The following PFAS variants were observed in gnomAD, a reference collection of about 807,000 sequenced individuals.
PFAS encodes the protein phosphoribosylformylglycinamidine synthase, also known as FGAM synthase.
Under a neutral mutation model 140.6 loss-of-function variants are expected in PFAS, and 97 were observed. That is an observed-to-expected ratio of 0.69 (90% confidence interval 0.59 to 0.82). The LOEUF is 0.82. Among genes scored for constraint, PFAS ranks in the 40% least tolerant of loss-of-function variants. The pLI is 0.00. For synonymous variants in PFAS, 679 were observed against 718.8 expected, an observed-to-expected ratio of 0.94 and a Z score of 0.88; for missense variants, 1,656 against 1,780.2, an observed-to-expected ratio of 0.93 and a Z score of 1.26.
chr17:8,258,489 A>G (rs1989462986), intron 11 of PFAS, among the ~76,000 whole-genome samples: 1 of 152,166 alleles, frequency 6.6e-6, no homozygotes. Context: ...TACACTTGGG[A>G]GCCATGATGA....
Position 8,255,919 on chromosome 17 carries a change from A to G in PFAS, c.680+9A>G, listed in dbSNP as rs752466255. The stretch of plus-strand genomic sequence containing the variant: ...TTGGCGCAGTCCAATAGGTGAGGAG[A>G]AATGGGGTTGTTCCCATACCTGAGC... On this transcript the variant is annotated intron_variant, in intron 6 of 27. Transcript: ENST00000314666. 3.1e-6 allele frequency: 5 copies of G among 1,592,008 alleles called. No individual in the cohort carries two copies. The highest frequency in any genetic ancestry group is 3.4e-6 in the Non-Finnish European group (4 of 1,160,108).
chr17:8,253,645 TTC>T (rs1351170088), intron 1 of PFAS, among the ~76,000 whole-genome samples: 1 of 152,044 alleles, frequency 6.6e-6, no homozygotes, highest in East Asian at 1.9e-4. Context: ...GTTCAAGCAG[TTC>T]TCCTGCCTCA....
At chr17:8,248,910 T>C (rs1396669549), upstream of PFAS, among the ~76,000 whole-genome samples, 2 of 152,132 alleles carry the variant, frequency 1.3e-5, no homozygotes, top group East Asian at 1.9e-4. Context: ...GGCCTTCAGA[T>C]GGATGGGGTA....
rs766304759 is a variant in PFAS, at chr17:8,264,491, C to T, written c.1939C>T (p.Pro647Ser). ...GCAGGAGTTCTTCCTGCAGAGGAAG[C>T]CCCCCATGCTGCAGCCTCTGGCCTT... Reference protein sequence around the residue: ...PRKEFFLQRKPPMLQPLALPP... With the variant: ...PRKEFFLQRKSPMLQPLALPP... Residue 647 changes from proline to serine, a missense_variant, in exon 17 of 28, where the codon CCC becomes TCC. Physicochemically the swap from Pro to Ser is moderately conservative, Grantham distance 74 (BLOSUM62 -1). Transcript: ENST00000314666. The T allele has an allele frequency of 1.2e-6, 2 of 1,613,530 alleles. No homozygotes were observed. The highest frequency in any genetic ancestry group is 3.3e-5 in the Admixed American group (2 of 59,982).
intron 10 of PFAS, 27 bp downstream of exon 10, chr17:8,257,965 A>G: frequency 1.9e-6 from 3 of 1,613,390 alleles, no homozygotes; most frequent in Non-Finnish European, 2.5e-6. Flanking sequence ...GAGGGATGAC[A>G]AACACCCAGA....
intron 9 of PFAS, among the ~76,000 whole-genome samples, chr17:8,257,436 G>A (rs570896646): frequency 1.3e-5 from 2 of 152,236 alleles, no homozygotes; most frequent in African/African-American, 4.8e-5. Context: ...GGCGCCTATA[G>A]TCCCAGCTAC....
chr17:8,265,685 T>C (rs1427444067), intron 20 of PFAS, 46 bp downstream of exon 20: 1 of 1,562,600 alleles, frequency 6.4e-7, no homozygotes, highest in Non-Finnish European at 8.8e-7. Flanking sequence ...TGTGTGATCT[T>C]TGTTTGGCTC....
At chr17:8,248,011 G>C (rs377386669), upstream of PFAS, 5 of 1,610,776 alleles carry the variant, frequency 3.1e-6, no homozygotes, top group Non-Finnish European at 4.2e-6. Context: ...CACGGAGGAA[G>C]GGACCTGGGC....
At chr17:8,260,114 T>A (rs550402079) in intron 11 of PFAS, among the ~76,000 whole-genome samples, 2,907 of 130,216 alleles carry the variant, frequency 0.022, 98 homozygotes, top group African/African-American at 0.071. Context: ...AAAAAAAAAA[T>A]TTTTTTTTAA....
Position 8,266,399 on chromosome 17 carries a change from C to G in PFAS, c.2821+46C>G. 3 of 1,610,206 alleles carry G rather than the reference C, an allele frequency of 1.9e-6. No homozygotes were observed. Among genetic ancestry groups the G allele is most frequent in the Non-Finnish European group, 2.5e-6 (3 of 1,178,174 alleles). On this transcript the variant is annotated intron_variant, in intron 22 of 27. Transcript: ENST00000314666. The surrounding 1 kb of genome is among the most constrained non-coding windows in gnomAD (Gnocchi z 5.0). ...TCTCAGGCCCGGGCTGCCTTCTCTA[C>G]CCTGCAGACCCCATTTCCAATATAT...
intron 18 of PFAS, 23 bp downstream of exon 18, chr17:8,265,148 TCCTGGAGCCCCCG>T (rs1427864263): frequency 6.3e-7 from 1 of 1,597,022 alleles, no homozygotes; most frequent in Non-Finnish European, 8.6e-7. Flanking sequence ...ACAGCTTCTA[TCCTGGAGCCCCCG>T]GGCTTCAGGA....
At chr17:8,255,281 T>G in intron 4 of PFAS, 149 bp downstream of exon 4, 1 of 682,254 alleles carries the variant, frequency 1.5e-6, no homozygotes, top group East Asian at 2.8e-5. Flanking sequence ...AGTACCTGGT[T>G]GAGGGGTAAA....
At position 8,268,992 on chromosome 17, in the gene PFAS, A is replaced by G. The variant is rs746640437; in HGVS notation, c.3745A>G (p.Ile1249Val). 1.2e-6 allele frequency: 2 copies of G among 1,614,136 alleles called. No homozygotes were observed. The highest frequency in any genetic ancestry group is 3.3e-5 in the Admixed American group (2 of 60,026). Residue 1249 changes from isoleucine to valine, a missense_variant, in exon 28 of 28, where the codon ATT becomes GTT. By Grantham distance (29) the Ile-to-Val change is conservative. Transcript: ENST00000314666. ...AFSSPELQAQ[I>V]EARGLAPLHW... ...TTCTTCTCCGGAACTCCAAGCTCAG[A>G]TTGAGGCCAGGGGCTTGGCTCCACT...
rs143728637 is a variant in PFAS, at chr17:8,256,532, A to G, written c.830A>G (p.Gln277Arg). ...GACGGGTATGTCCACAGTGCAATCC[A>G]GGGAAAGGAAGTCCGATTCCTACGG... The part of the protein sequence containing the change: ...LKFCDNSSAI[Q>R]GKEVRFLRPE... The change falls in exon 8 of 28, where the codon CAG becomes CGG. Residue 277 changes from glutamine to arginine, a missense_variant. Transcript: ENST00000314666. The G allele has an allele frequency of 2.5e-6, 4 of 1,614,148 alleles. No homozygotes were observed. Among genetic ancestry groups the G allele is most frequent in the African/African-American group, 1.3e-5 (1 of 75,068 alleles).
Position 8,256,621 on chromosome 17 carries a change from A to G in PFAS, c.919A>G (p.Thr307Ala). 1 of 1,614,172 alleles carries G rather than the reference A, an allele frequency of 6.2e-7. No individual in the cohort carries two copies. Among genetic ancestry groups the G allele is most frequent in the African/African-American group, 1.3e-5 (1 of 75,072 alleles). ...QQQGLRHVVF[T>A]AETHNFPTGV... ...GCAAGGGCTGAGACATGTTGTCTTC[A>G]CAGCAGAGACTCACAACTTTCCCAC... The change falls in exon 8 of 28, where the codon ACA (threonine) becomes GCA (alanine). Residue 307 changes from threonine to alanine, a missense_variant. Transcript: ENST00000314666.
In PFAS at chr17:8,266,674, C is replaced by T. The variant is rs1414817486; in HGVS notation, c.2822-79C>T. On this transcript the variant is annotated intron_variant, in intron 22 of 27. Coordinates refer to ENST00000314666, the MANE Select transcript of PFAS (RefSeq NM_012393.3). This position sits in a 1 kb window ranked among gnomAD's most constrained non-coding sequence, Gnocchi z 5.0. Reference sequence around the variant, plus strand: ...CATCCCTCTGACCCTCACCCTGGCCCTTCCTGCATTTCCCTGATCCCGCCC... The same window carrying T: ...CATCCCTCTGACCCTCACCCTGGCCTTTCCTGCATTTCCCTGATCCCGCCC... 3 of 1,533,894 alleles carry T rather than the reference C, an allele frequency of 2.0e-6. No individual in the cohort carries two copies. The highest frequency in any genetic ancestry group is 2.6e-6 in the Non-Finnish European group (3 of 1,144,774).
Position 8,258,099 on chromosome 17 carries a change from C to T in PFAS, c.1236C>T (p.Leu412=). Residue 412 remains leucine, a synonymous_variant, in exon 11 of 28, where the codon CTC becomes CTT. Transcript: ENST00000314666. ...AGFARSLGLQ[L]PDGQRREWIK... ...TCGCCCGCTCCTTGGGCCTCCAGCT[C>T]CCAGACGGCCAGCGGCGTGAGTGGA... 5 of 1,614,118 alleles carry T rather than the reference C, an allele frequency of 3.1e-6. No homozygotes were observed. Among genetic ancestry groups the T allele is most frequent in the Non-Finnish European group, 4.2e-6 (5 of 1,180,022 alleles).
Position 8,270,064 on chromosome 17 carries a change from G to T in PFAS, c.*800G>T, listed in dbSNP as rs1321818429. On this transcript the variant is annotated 3_prime_UTR_variant, in exon 28 of 28. Transcript: ENST00000314666. ...AGCTAATTTTTGTATTTTTAGTAGA[G>T]ATAGGGTTTCACCATGTCTCCCAGG... 1 of 151,966 alleles carries T rather than the reference G, an allele frequency of 6.6e-6. No homozygotes were observed. Among genetic ancestry groups the T allele is most frequent in the African/African-American group, 2.4e-5 (1 of 41,350 alleles). 9.4% of individuals were successfully genotyped at this position (151,966 alleles called of 1,614,324 possible). A position where few individuals can be genotyped will look rare whatever the true frequency, so the allele number is the denominator to read the frequency against.
At position 8,265,122 on chromosome 17, in the gene PFAS, C is replaced by T; in HGVS notation, c.2277C>T (p.Leu759=). Residue 759 remains leucine, a synonymous_variant, in exon 18 of 28, where the codon CTC becomes CTT. Coordinates refer to ENST00000314666, the MANE Select transcript of PFAS (RefSeq NM_012393.3). ...TGGTGTTTGCTCTGGTCACTGACCTCCGGGTGAGTTCTCCCACAGCTTCTA... is the reference window on the plus strand; with the variant it reads ...TGGTGTTTGCTCTGGTCACTGACCTTCGGGTGAGTTCTCCCACAGCTTCTA... ...TNLVFALVTD[L]RDVKCSGNWM... 2.5e-6 allele frequency: 4 copies of T among 1,610,408 alleles called. No homozygotes were observed. The highest frequency in any genetic ancestry group is 3.4e-6 in the Non-Finnish European group (4 of 1,178,200).
Sources: gnomAD v4.1 joint callset for allele counts (sites outside exome capture counted in the v4.1 genomes callset) on GRCh38, gnomAD v4.1.1 for gene constraint, Gnocchi (gnomAD v3.1) non-coding constraint, MANE v1.5 for transcripts, NCBI Gene and HGNC (gene_info 2026-07-23, HGNC 2026-07-21) for gene names.